The following LSM14B variants were observed in gnomAD, a reference collection of about 807,000 sequenced individuals.
LSM14B encodes the protein LSM family member 14B.
A neutral mutation model predicts 42.1 loss-of-function variants in LSM14B; 8 were observed. That is an observed-to-expected ratio of 0.19 (90% CI 0.11 to 0.34). The LOEUF (loss-of-function observed/expected upper bound fraction) is 0.34, where lower values mean the gene tolerates loss of function less well. Ranked by LOEUF, LSM14B falls within the 10% of genes least tolerant of loss-of-function variation. The probability of loss-of-function intolerance (pLI) is 1.00; values close to 1 mark genes in which losing one functional copy is unlikely to be tolerated. For missense variants in LSM14B, 396 were observed against 513.1 expected, an observed-to-expected ratio of 0.77 and a Z score of 2.21; for synonymous variants, 219 against 209.7, an observed-to-expected ratio of 1.04 and a Z score of -0.38.
chr20:62,133,276 C>T lies in LSM14B; in HGVS notation c.987-14C>T. 1 of 1,612,428 alleles carries T rather than the reference C, an allele frequency of 6.2e-7. No individual in the cohort carries two copies. Among genetic ancestry groups the T allele is most frequent in the Non-Finnish European group, 8.5e-7 (1 of 1,179,212 alleles). ...TCAGTGCCTGCTACAATCAGCATTT[C>T]CTCTGTGGTTTAGCTCCAGGCGGAC... On this transcript the variant is annotated splice_polypyrimidine_tract_variant and intron_variant, in intron 7 of 8. Coordinates refer to ENST00000279068, the MANE Select transcript of LSM14B (RefSeq NM_144703.3).
At chr20:62,128,873 A>G in intron 3 of LSM14B, 1 of 1,034,520 alleles carries the variant, frequency 9.7e-7, no homozygotes, top group South Asian at 1.4e-5. Context: ...TGAGATGCCC[A>G]GTCTTCATGT....
intron 8 of LSM14B, 86 bp from the exon 9 acceptor site, chr20:62,134,077 G>A (rs2056843344): frequency 2.7e-6 from 1 of 375,814 alleles, no homozygotes; most frequent in South Asian, 2.0e-5. Flanking sequence ...GGGGCAGGAG[G>A]GAGGCTGAGT....
rs1377798947 is a variant in LSM14B, at chr20:62,124,692, T to A, written c.203T>A (p.Ile68Asn). 6.2e-7 allele frequency: 1 copy of A among 1,613,770 alleles called. No individual in the cohort carries two copies. Among genetic ancestry groups the A allele is most frequent in the Non-Finnish European group, 8.5e-7 (1 of 1,179,868 alleles). ...AGAGAGGAGATTTATGAGTACATCA[T>A]TTTCCGAGGAAGTGACATCAAGGAT... Reference protein sequence around the residue: ...PPREEIYEYIIFRGSDIKDIT... With the variant: ...PPREEIYEYINFRGSDIKDIT... Residue 68 changes from isoleucine to asparagine, a missense_variant, in exon 2 of 9, where the codon ATT becomes AAT. Physicochemically the swap from Ile to Asn is moderately radical, Grantham distance 149. Transcript: ENST00000279068.
Position 62,124,722 on chromosome 20 carries a change from C to T in LSM14B, c.233C>T (p.Thr78Ile). 1 of 1,613,924 alleles carries T rather than the reference C, an allele frequency of 6.2e-7. No individual in the cohort carries two copies. The highest frequency in any genetic ancestry group is 8.5e-7 in the Non-Finnish European group (1 of 1,179,888). Residue 78 changes from threonine (T) to isoleucine (I), a missense_variant, in exon 2 of 9, where the codon ACT (threonine) becomes ATT (isoleucine). Thr to Ile is a moderately conservative substitution (Grantham distance 89). Around this residue, in one of 3 missense-constraint regions of LSM14B, gnomAD observed 274 missense variants for 335.8 expected, o/e 0.82. Coordinates refer to ENST00000279068, the MANE Select transcript of LSM14B (RefSeq NM_144703.3). ...IFRGSDIKDI[T>I]VCEPPKAQHT... Reference sequence around the variant, plus strand: ...CGAGGAAGTGACATCAAGGATATCACTGTGTGTGAACCTCCGAAAGCTCAG... The same window carrying T: ...CGAGGAAGTGACATCAAGGATATCATTGTGTGTGAACCTCCGAAAGCTCAG...
intron 7 of LSM14B, among the ~76,000 whole-genome samples, chr20:62,131,778 C>G (rs528005799): frequency 2.4e-4 from 36 of 152,340 alleles, no homozygotes; most frequent in African/African-American, 7.5e-4. Context: ...TGCACCGCCC[C>G]CCCCGGCAGA....
At position 62,135,371 on chromosome 20, in the gene LSM14B, A is replaced by C. The variant is rs1180855148; in HGVS notation, c.*1223A>C. 2.6e-5 allele frequency: 4 copies of C among 152,322 alleles called. No homozygotes were observed. The East Asian group carries it at 7.7e-4, about 29-fold the overall frequency. The allele number at this position is 152,322 out of a possible 1,614,324, so 9.4% of individuals were successfully genotyped here. A position where few individuals can be genotyped will look rare whatever the true frequency, so the allele number is the denominator to read the frequency against. On this transcript the variant is annotated 3_prime_UTR_variant, in exon 9 of 9. Transcript: ENST00000279068. ...ATTATAAATAAACATGCAAACCTTTAAAATTTTCTTTTCTGATGCTCTAAG... is the reference window on the plus strand; with the variant it reads ...ATTATAAATAAACATGCAAACCTTTCAAATTTTCTTTTCTGATGCTCTAAG...
chr20:62,130,689 A>G lies in LSM14B; in HGVS notation c.833A>G (p.Lys278Arg). 6.2e-7 allele frequency: 1 copy of G among 1,613,272 alleles called. No homozygotes were observed. Among genetic ancestry groups the G allele is most frequent in the Non-Finnish European group, 8.5e-7 (1 of 1,179,770 alleles). The part of the protein sequence containing the change: ...DKEFKKKLNF[K>R]DDKAEKGEEK... ...GAATTTAAGAAGAAACTGAATTTTAAAGGTTTGGCTCATTATATGAAAATT... is the reference window on the plus strand; with the variant it reads ...GAATTTAAGAAGAAACTGAATTTTAGAGGTTTGGCTCATTATATGAAAATT... The change falls in exon 6 of 9, where the codon AAA becomes AGA. Residue 278 changes from lysine to arginine, a missense_variant and splice_region_variant. This residue lies in a region of LSM14B where 118 missense variants were observed against 156.4 expected (regional missense o/e 0.75). Transcript: ENST00000279068. The surrounding 1 kb of genome is among the most constrained non-coding windows in gnomAD (Gnocchi z 4.1).
chr20:62,127,118 G>A (rs1350374826), intron 3 of LSM14B, among the ~76,000 whole-genome samples: 1 of 152,220 alleles, frequency 6.6e-6, no homozygotes, highest in Non-Finnish European at 1.5e-5. Context: ...ATATAGACGT[G>A]AAATACAAAC....
chr20:62,126,065 C>CA (rs1464264977), intron 2 of LSM14B, among the ~76,000 whole-genome samples: 4 of 152,080 alleles, frequency 2.6e-5, no homozygotes, highest in Admixed American at 1.3e-4. Flanking sequence ...TTTCAAAAAA[C>CA]AAAAAACAAA....
rs779060038 is a variant in LSM14B at position 62,126,387 on chromosome 20, G to A, written c.375G>A (p.Pro125=). The A allele has an allele frequency of 5.6e-6, 9 of 1,611,936 alleles. No individual in the cohort carries two copies. Among genetic ancestry groups the A allele is most frequent in the East Asian group, 4.5e-5 (2 of 44,898 alleles). The change falls in exon 3 of 9, where the codon CCG becomes CCA. Residue 125 remains proline (P), a synonymous_variant. Coordinates refer to ENST00000279068, the MANE Select transcript of LSM14B (RefSeq NM_144703.3). Reference sequence around the variant, plus strand: ...TCCGAGGGATGGCGCCCTACGGCCCGCTGGCGGCCAGCTCCCTGCTCAGCC... The same window carrying A: ...TCCGAGGGATGGCGCCCTACGGCCCACTGGCGGCCAGCTCCCTGCTCAGCC... ...SPFRGMAPYG[P]LAASSLLSQQ... is the part of the protein sequence containing the mutation.
In LSM14B at chr20:62,129,971, TC is replaced by T. The variant is rs781575534; in HGVS notation, c.595+21del. On this transcript the variant is annotated intron_variant, in intron 4 of 8. Coordinates refer to ENST00000279068, the MANE Select transcript of LSM14B (RefSeq NM_144703.3). ...GCCAGCGGTACTTGAACACATCATT[TC>T]CTGGAGTTTGCTTGATGTTCTAAAA... 1.3e-6 allele frequency: 2 copies of T among 1,590,354 alleles called. No homozygotes were observed. Among genetic ancestry groups the T allele is most frequent in the African/African-American group, 2.7e-5 (2 of 73,644 alleles).
chr20:62,128,211 G>A (rs943347061), intron 3 of LSM14B, among the ~76,000 whole-genome samples: 3 of 152,240 alleles, frequency 2.0e-5, no homozygotes, highest in Non-Finnish European at 4.4e-5. Flanking sequence ...TACACCACCT[G>A]TCTCTGTGCT....
In LSM14B at chr20:62,130,557, G is replaced by C. The variant is rs781463523; in HGVS notation, c.701G>C (p.Arg234Thr). The change falls in exon 6 of 9, where the codon AGA (arginine) becomes ACA (threonine). Residue 234 changes from arginine to threonine, a missense_variant. Physicochemically the swap from Arg to Thr is moderately conservative, Grantham distance 71 (BLOSUM62 -1). Transcript: ENST00000279068. The surrounding 1 kb of genome is among the most constrained non-coding windows in gnomAD (Gnocchi z 4.1). ...AACAGGCGAACAAGGAATCGCTCCA[G>C]AGGGCAAAACCGTCCAACTAACGTT... is the stretch of plus-strand genomic sequence containing the variant. The part of the protein sequence containing the change: ...SGNRRTRNRS[R>T]GQNRPTNVKE... 3.7e-6 allele frequency: 6 copies of C among 1,613,910 alleles called. No homozygotes were observed.
chr20:62,124,498 T>A, intron 1 of LSM14B, 119 bp from the exon 2 acceptor site: 1 of 984,728 alleles, frequency 1.0e-6, no homozygotes, highest in Non-Finnish European at 1.5e-6. Flanking sequence ...GGACCTGGGG[T>A]GCTGTGTTGT....
chr20:62,128,967 C>A (rs1267645458), intron 3 of LSM14B: 1 of 1,304,174 alleles, frequency 7.7e-7, no homozygotes, highest in Non-Finnish European at 1.0e-6. Context: ...TACACCCAGT[C>A]CCACATTGTC....
At chr20:62,127,061 A>G (rs1291129672) in intron 3 of LSM14B, among the ~76,000 whole-genome samples, 1 of 152,248 alleles carries the variant, frequency 6.6e-6, no homozygotes, top group Non-Finnish European at 1.5e-5. Context: ...ATATATATGT[A>G]GTATTACAGA....
rs115201404 is a variant in LSM14B, at chr20:62,126,477, G to A, written c.427+38G>A. ...TTTCTGTCTGGTAAACTACCCTTGC[G>A]TGTAACTGTCACTGAGTGGAGCGAT... On this transcript the variant is annotated intron_variant, in intron 3 of 8. Coordinates refer to ENST00000279068, the MANE Select transcript of LSM14B (RefSeq NM_144703.3). 6.8e-4 allele frequency: 1,084 copies of A among 1,597,194 alleles called. 10 individuals carry two copies. The African/African-American group carries it at 0.013, about 19-fold the overall frequency.
rs557947231 is a variant in LSM14B, at chr20:62,135,201, A to C, written c.*1053A>C. ...TTTTGTCGAAAATAAGCACCTTGGT[A>C]ACTAAACCCCTCTAATAGCTATAAA... On this transcript the variant is annotated 3_prime_UTR_variant, in exon 9 of 9. Transcript: ENST00000279068. 78 of 152,318 alleles carry C rather than the reference A, an allele frequency of 5.1e-4. No homozygotes were observed. The highest frequency in any genetic ancestry group is 1.9e-3 in the African/African-American group (77 of 41,576). 9.4% of individuals were successfully genotyped at this position (152,318 alleles called of 1,614,324 possible). A position where few individuals can be genotyped will look rare whatever the true frequency, so the allele number is the denominator to read the frequency against.
chr20:62,130,577 A>C lies in LSM14B; in HGVS notation c.721A>C (p.Asn241His), dbSNP rs1429465939. ...NRSRGQNRPT[N>H]VKENTIKFEG... ...CTCCAGAGGGCAAAACCGTCCAACT[A>C]ACGTTAAGGAAAACACAATCAAATT... The change falls in exon 6 of 9, where the codon AAC (asparagine) becomes CAC (histidine). Residue 241 changes from asparagine to histidine, a missense_variant. Transcript: ENST00000279068. This position sits in a 1 kb window ranked among gnomAD's most constrained non-coding sequence, Gnocchi z 4.1. 1.2e-6 allele frequency: 2 copies of C among 1,613,962 alleles called. No individual in the cohort carries two copies. The highest frequency in any genetic ancestry group is 2.2e-5 in the South Asian group (2 of 91,088).
Sources: allele counts gnomAD v4.1 joint callset (sites outside exome capture counted in the v4.1 genomes callset), GRCh38; gene constraint gnomAD v4.1.1; regional missense constraint gnomAD v4.1.1; non-coding constraint Gnocchi (gnomAD v3.1); transcripts MANE v1.5; gene names NCBI Gene and HGNC (gene_info 2026-07-23, HGNC 2026-07-21).